Variants in KCNJ16 observed in about 807,000 individuals in gnomAD.
KCNJ16 encodes the protein potassium inwardly rectifying channel subfamily J member 16.
A neutral mutation model predicts 18.5 loss-of-function variants in KCNJ16; 15 were observed. That is an observed-to-expected ratio of 0.81 (90% confidence interval 0.54 to 1.25). KCNJ16 has a LOEUF of 1.25. KCNJ16 is among the 50% of genes most tolerant of loss of function. The pLI, the probability that KCNJ16 is intolerant of heterozygous loss-of-function variation, is 0.00. For synonymous variants in KCNJ16, 174 were observed against 186.5 expected (o/e 0.93, Z 0.55); for missense variants, 523 against 525.7 (o/e 0.99, Z 0.05).
chr17:70,105,023 C>G (rs1468569825), intron 2 of KCNJ16: 1 of 152,578 alleles, frequency 6.6e-6, no homozygotes, highest in Non-Finnish European at 1.5e-5. Flanking sequence ...GGTGCTCTTA[C>G]AAGATGAAAA....
At chr17:70,086,974 C>T (rs2071824721) in intron 1 of KCNJ16, among the ~76,000 whole-genome samples, 1 of 152,088 alleles carries the variant, frequency 6.6e-6, no homozygotes, top group Non-Finnish European at 1.5e-5. Flanking sequence ...TCTCAGCTCA[C>T]TGCAAGCTCC....
At chr17:70,103,292 G>GAGA (rs377213853) in intron 2 of KCNJ16, among the ~76,000 whole-genome samples, 1 of 91,402 alleles carries the variant, frequency 1.1e-5, no homozygotes, top group Non-Finnish European at 2.2e-5. Flanking sequence ...ATATATGTGT[G>GAGA]TGTGTATATA....
At chr17:70,075,899 GATTT>G (rs1255317430) in intron 1 of KCNJ16, among the ~76,000 whole-genome samples, 1 of 151,518 alleles carries the variant, frequency 6.6e-6, no homozygotes, top group African/African-American at 2.4e-5. Context: ...ATTTTTTCTA[GATTT>G]ATTTTAACAT....
At chr17:70,127,889 G>A (rs147700286) in intron 2 of KCNJ16, among the ~76,000 whole-genome samples, 39 of 152,284 alleles carry the variant, frequency 2.6e-4, no homozygotes, top group African/African-American at 9.1e-4. Context: ...GTTTTCTGAA[G>A]AAATTTTAGA....
chr17:70,092,521 GATACATAGACAGATAGATATAGATAGAT>G (rs1187288479), intron 1 of KCNJ16, among the ~76,000 whole-genome samples: 8 of 98,890 alleles, frequency 8.1e-5, no homozygotes, highest in Admixed American at 2.2e-4. Context: ...TAGATAGATA[GATACATAGACAGATAGATATAGATAGAT>G]ATAGATAGAT....
chr17:70,129,061 C>G (rs2073967072), intron 2 of KCNJ16, among the ~76,000 whole-genome samples: 1 of 152,218 alleles, frequency 6.6e-6, no homozygotes, highest in African/African-American at 2.4e-5. Context: ...CTCAAGTGGT[C>G]TTGAGCCTTG....
intron 2 of KCNJ16, chr17:70,128,763 G>C (rs1254689127): frequency 6.6e-6 from 1 of 152,244 alleles, no homozygotes; most frequent in Admixed American, 6.5e-5. Context: ...CAAGCCTGCT[G>C]TATCGGTTCG....
At chr17:70,115,764 T>A (rs2073376517) in intron 2 of KCNJ16, among the ~76,000 whole-genome samples, 1 of 152,122 alleles carries the variant, frequency 6.6e-6, no homozygotes. Flanking sequence ...CTCCCTCTTC[T>A]CCCTCCCACC....
Position 70,075,900 on chromosome 17 carries a change from A to G in KCNJ16, c.-300+510A>G, listed in dbSNP as rs114279464. 8.6e-3 allele frequency among the ~76,000 whole-genome samples: 1,308 copies of G among 152,040 alleles called. 6 individuals carry two copies. Among genetic ancestry groups the G allele is most frequent in the African/African-American group, 0.021 (879 of 41,498 alleles). On this transcript the variant is annotated intron_variant, in intron 1 of 3. Coordinates refer to ENST00000392671, the MANE Select transcript of KCNJ16 (RefSeq NM_170741.4). Reference sequence around the variant, plus strand: ...GAAATAAGAGATCTATTTTTTCTAGATTTATTTTAACATAAATTGAAAGTG... The same window carrying G: ...GAAATAAGAGATCTATTTTTTCTAGGTTTATTTTAACATAAATTGAAAGTG...
At chr17:70,106,329 C>CT (rs1286131497) in intron 2 of KCNJ16, among the ~76,000 whole-genome samples, 1 of 152,206 alleles carries the variant, frequency 6.6e-6, no homozygotes, top group African/African-American at 2.4e-5. Context: ...AAGCTTCTCT[C>CT]TGCCTCCTTT....
In KCNJ16 at chr17:70,110,486, A is replaced by G. The variant is rs960267829; in HGVS notation, c.-191+9720A>G. 6.6e-5 allele frequency among the ~76,000 whole-genome samples: 10 copies of G among 152,062 alleles called. 1 individual carries two copies. In the East Asian group the frequency reaches 1.9e-3, roughly 29 times the overall value. On this transcript the variant is annotated intron_variant, in intron 2 of 3. Coordinates refer to ENST00000392671, the MANE Select transcript of KCNJ16 (RefSeq NM_170741.4). ...ACACCTACACACTTCGTGCGCGCACACACACACACACACACAAACTCATTT... is the reference window on the plus strand; with the variant it reads ...ACACCTACACACTTCGTGCGCGCACGCACACACACACACACAAACTCATTT...
chr17:70,094,373 T>G (rs1262331353), intron 1 of KCNJ16, among the ~76,000 whole-genome samples: 1 of 152,160 alleles, frequency 6.6e-6, no homozygotes, highest in Non-Finnish European at 1.5e-5. Context: ...TAAGGGAAGT[T>G]GGAAAGGTGG....
Position 70,132,164 on chromosome 17 carries a change from T to C in KCNJ16, c.77T>C (p.Ile26Thr), listed in dbSNP as rs778836764. Residue 26 changes from isoleucine to threonine, a missense_variant, in exon 4 of 4, where the codon ATA becomes ACA. By Grantham distance (89) the Ile-to-Thr change is moderately conservative. Transcript: ENST00000392671. Reference protein sequence around the residue: ...KYPGYPPEHIIAEKRRARRRL... With the variant: ...KYPGYPPEHITAEKRRARRRL... ...CCAGGCTACCCGCCAGAGCACATTA[T>C]AGCTGAGAAGAGAAGAGCAAGAAGA... 14 of 1,614,094 alleles carry C rather than the reference T, an allele frequency of 8.7e-6. No individual in the cohort carries two copies. In the East Asian group the frequency reaches 2.0e-4, roughly 23 times the overall value.
At chr17:70,126,412 T>G (rs1338460959) in intron 2 of KCNJ16, among the ~76,000 whole-genome samples, 2 of 152,244 alleles carry the variant, frequency 1.3e-5, no homozygotes, top group African/African-American at 4.8e-5. Flanking sequence ...CCCCCTGGTT[T>G]GAATGCCTTT....
rs2071407071 is a variant in KCNJ16 at position 70,078,367 on chromosome 17, A to AT, written c.-300+2982dup. ...AACAACTCCGCATAAAAAAAAGGTG[A>AT]TTTTTACCTTAACATGTTCCAAAAA... On this transcript the variant is annotated intron_variant, in intron 1 of 3. Coordinates refer to ENST00000392671, the MANE Select transcript of KCNJ16 (RefSeq NM_170741.4). 2.0e-5 allele frequency among the ~76,000 whole-genome samples: 3 copies of AT among 152,078 alleles called. 1 individual carries two copies. The highest frequency in any genetic ancestry group is 2.1e-4 in the South Asian group (1 of 4,810).
chr17:70,075,676 G>T (rs2071274957), intron 1 of KCNJ16, among the ~76,000 whole-genome samples: 1 of 152,100 alleles, frequency 6.6e-6, no homozygotes, highest in South Asian at 2.1e-4. Context: ...ATTTGTAAAT[G>T]TCTAAAAGTG....
intron 1 of KCNJ16, among the ~76,000 whole-genome samples, chr17:70,078,477 T>G (rs906574248): frequency 6.6e-6 from 1 of 152,252 alleles, no homozygotes; most frequent in Non-Finnish European, 1.5e-5. Context: ...AGATTGTATT[T>G]TGTAAGATTT....
At chr17:70,081,926 A>C (rs865812394) in intron 1 of KCNJ16, among the ~76,000 whole-genome samples, 1 of 152,176 alleles carries the variant, frequency 6.6e-6, no homozygotes, top group Non-Finnish European at 1.5e-5. Flanking sequence ...TATTTTAGAC[A>C]TGAAAATAAT....
chr17:70,101,756 T>A (rs1372029314), intron 2 of KCNJ16: 1 of 148,148 alleles, frequency 6.8e-6, no homozygotes, highest in Non-Finnish European at 1.5e-5. Context: ...ATTTCTTTAG[T>A]GTTATGTTAT....
Sources: allele counts gnomAD v4.1 joint callset (sites outside exome capture counted in the v4.1 genomes callset), GRCh38; gene constraint gnomAD v4.1.1; transcripts MANE v1.5; gene names NCBI Gene and HGNC (gene_info 2026-07-23, HGNC 2026-07-21).